The following NFATC2 variants were observed in gnomAD, a reference collection of about 807,000 sequenced individuals.
The protein encoded by NFATC2 is nuclear factor of activated T-cells, cytoplasmic 2.
In NFATC2, 22 loss-of-function variants were observed where a neutral mutation model predicts 87.3. The ratio of observed to expected loss-of-function variants is 0.25; its 90% CI spans 0.18 to 0.36. The LOEUF (loss-of-function observed/expected upper bound fraction) is 0.36. NFATC2 is among the 10% of genes least tolerant of loss of function. The probability of loss-of-function intolerance (pLI) is 1.00; values close to 1 mark genes in which losing one functional copy is unlikely to be tolerated. For synonymous variants in NFATC2, 565 were observed against 542.2 expected (o/e 1.04, Z -0.58); for missense variants, 1,149 against 1,259.1 (o/e 0.91, Z 1.32).
At chr20:51,483,446 G>A (rs79916117) in intron 3 of NFATC2, among the ~76,000 whole-genome samples, 8,673 of 152,036 alleles carry the variant, frequency 0.057, 326 homozygotes, top group African/African-American at 0.1. Flanking sequence ...GGAGAAGGCC[G>A]AGCGGGAGGG....
At chr20:51,448,173 G>A (rs992619686) in intron 6 of NFATC2, among the ~76,000 whole-genome samples, 1 of 152,210 alleles carries the variant, frequency 6.6e-6, no homozygotes, top group African/African-American at 2.4e-5. Context: ...GACAAGGTAG[G>A]TGATTTCAAC....
At chr20:51,489,186 T>C (rs1233551677) in intron 3 of NFATC2, among the ~76,000 whole-genome samples, 1 of 151,774 alleles carries the variant, frequency 6.6e-6, no homozygotes, top group Non-Finnish European at 1.5e-5. Context: ...TGAGACTGTC[T>C]CAAAAAAAAG....
intron 3 of NFATC2, among the ~76,000 whole-genome samples, chr20:51,513,133 T>G (rs1045360736): frequency 5.3e-5 from 8 of 152,246 alleles, no homozygotes; most frequent in African/African-American, 1.9e-4. Context: ...CTTTTTGTCT[T>G]TTAAAGAGAC....
intron 6 of NFATC2, among the ~76,000 whole-genome samples, chr20:51,437,699 G>A: frequency 6.6e-6 from 1 of 152,218 alleles, no homozygotes; most frequent in East Asian, 1.9e-4. Context: ...TGACCTTACA[G>A]CGCAATTCCT....
intron 9 of NFATC2, among the ~76,000 whole-genome samples, chr20:51,400,843 C>CCTCCTAGCATTGGGTAGAGA (rs1414102768): frequency 6.6e-6 from 1 of 151,916 alleles, no homozygotes; most frequent in Non-Finnish European, 1.5e-5. Context: ...CCAGGAACAG[C>CCTCCTAGCATTGGGTAGAGA]CTCCTAGCAT....
intron 1 of NFATC2, among the ~76,000 whole-genome samples, chr20:51,535,553 G>A (rs894958519): frequency 2.0e-5 from 3 of 152,124 alleles, no homozygotes; most frequent in Non-Finnish European, 4.4e-5. Context: ...GTTCCTGGGG[G>A]TGGGCACACT....
intron 6 of NFATC2, among the ~76,000 whole-genome samples, chr20:51,444,734 G>A (rs969336320): frequency 1.2e-4 from 18 of 152,202 alleles, no homozygotes; most frequent in Admixed American, 6.5e-5. Flanking sequence ...AATGGTTGAA[G>A]TCATTTCAGT....
chr20:51,498,985 T>C (rs1241506665), intron 3 of NFATC2, among the ~76,000 whole-genome samples: 1 of 149,426 alleles, frequency 6.7e-6, no homozygotes, highest in Admixed American at 6.7e-5. Context: ...CTACCTGGAG[T>C]GTTTGAGGAA....
chr20:51,542,435 C>T lies in NFATC2; in HGVS notation c.65G>A (p.Gly22Asp), dbSNP rs762801643. Reference sequence around the variant, plus strand: ...GAAGTCAAGCTCGTCTTGGGGGCTGCCCCCAGGCTCGTGGCCTGGGGCGTC... The same window carrying T: ...GAAGTCAAGCTCGTCTTGGGGGCTGTCCCCAGGCTCGTGGCCTGGGGCGTC... ...GGDAPGHEPG[G>D]SPQDELDFSI... The change falls in exon 1 of 11, where the codon GGC (glycine) becomes GAC (aspartate). Residue 22 changes from glycine (G) to aspartate (D), a missense_variant. By Grantham distance (94) the Gly-to-Asp change is moderately conservative. Coordinates refer to ENST00000371564, the MANE Select transcript of NFATC2 (RefSeq NM_012340.5). 1.3e-6 allele frequency: 2 copies of T among 1,597,344 alleles called. No individual in the cohort carries two copies. Among genetic ancestry groups the T allele is most frequent in the South Asian group, 1.1e-5 (1 of 90,498 alleles).
At chr20:51,397,365 G>A (rs1338386181) in intron 10 of NFATC2, among the ~76,000 whole-genome samples, 2 of 152,148 alleles carry the variant, frequency 1.3e-5, no homozygotes, top group African/African-American at 2.4e-5. Context: ...CCCTCAATAG[G>A]ACTGTAGCCC....
rs900705692 is a variant in NFATC2, at chr20:51,410,579, A to G, written c.2723-11849T>C. 2.6e-5 allele frequency among the ~76,000 whole-genome samples: 4 copies of G among 152,074 alleles called. 1 individual carries two copies. Reference sequence around the variant, plus strand: ...GAGAAAGAGGGAGAGAAAGGGAGGGAGAGAGAAGAAAGAAGGTAATGAAGG... The same window carrying G: ...GAGAAAGAGGGAGAGAAAGGGAGGGGGAGAGAAGAAAGAAGGTAATGAAGG... On this transcript the variant is annotated intron_variant, in intron 9 of 10. Coordinates refer to ENST00000371564, the MANE Select transcript of NFATC2 (RefSeq NM_012340.5).
rs2076838834 is a variant in NFATC2 at position 51,542,592 on chromosome 20, G to C, written c.-93C>G. On this transcript the variant is annotated 5_prime_UTR_variant, in exon 1 of 11. Coordinates refer to ENST00000371564, the MANE Select transcript of NFATC2 (RefSeq NM_012340.5). ...GCAGTGGGGCTGGCGGAGGCGGCTC[G>C]AGCGGCGGGGTCCCTTTCCTCGTAG... is the stretch of plus-strand genomic sequence containing the variant. The C allele has an allele frequency of 8.0e-7, 1 of 1,244,922 alleles. No individual in the cohort carries two copies. Among genetic ancestry groups the C allele is most frequent in the Admixed American group, 4.4e-5 (1 of 22,854 alleles). 77.1% of individuals were successfully genotyped at this position (1,244,922 alleles called of 1,614,324 possible).
chr20:51,474,963 C>CTT (rs1387504137), intron 4 of NFATC2, among the ~76,000 whole-genome samples: 41 of 147,236 alleles, frequency 2.8e-4, no homozygotes, highest in Middle Eastern at 3.6e-3. Context: ...ACATATTATA[C>CTT]TTTATTTATT....
chr20:51,537,202 G>T (rs1017885937), intron 1 of NFATC2, among the ~76,000 whole-genome samples: 1 of 147,406 alleles, frequency 6.8e-6, no homozygotes, highest in African/African-American at 2.5e-5. Flanking sequence ...GACATCAAAA[G>T]CACGTGGGGG....
chr20:51,393,773 T>G (rs1986653594), intron 10 of NFATC2, among the ~76,000 whole-genome samples: 1 of 151,992 alleles, frequency 6.6e-6, no homozygotes, highest in South Asian at 2.1e-4. Flanking sequence ...ACCTAGGAAG[T>G]GAGAGGAGGG....
intron 9 of NFATC2, among the ~76,000 whole-genome samples, chr20:51,421,498 C>T (rs1397425920): frequency 6.6e-6 from 1 of 152,170 alleles, no homozygotes; most frequent in Admixed American, 6.5e-5. Flanking sequence ...AACAACAAAA[C>T]AAGTGTGAAG....
intron 5 of NFATC2, among the ~76,000 whole-genome samples, chr20:51,473,059 G>T (rs1035072955): frequency 6.6e-6 from 1 of 152,210 alleles, no homozygotes; most frequent in African/African-American, 2.4e-5. Context: ...TATAAAGTAC[G>T]TAAGAATGAG....
intron 1 of NFATC2, among the ~76,000 whole-genome samples, chr20:51,540,374 C>G (rs994566278): frequency 1.2e-4 from 19 of 152,154 alleles, no homozygotes; most frequent in African/African-American, 4.6e-4. Flanking sequence ...TGGGCTTCCT[C>G]CCGAAAACCT....
At position 51,523,453 on chromosome 20, in the gene NFATC2, A is replaced by C. The variant is rs1271064510; in HGVS notation, c.788T>G (p.Leu263Arg). Residue 263 changes from leucine to arginine, a missense_variant, in exon 2 of 11, where the codon CTG becomes CGG. Leu to Arg is a moderately radical substitution (Grantham distance 102, BLOSUM62 -2). Transcript: ENST00000371564. This position sits in a 1 kb window ranked among gnomAD's most constrained non-coding sequence, Gnocchi z 6.9. Reference sequence around the variant, plus strand: ...GCGCTGGGGTGAGGCTCCGGGCGGCAGGGCAACCAAGGCCTCGGCGCACGA... The same window carrying C: ...GCGCTGGGGTGAGGCTCCGGGCGGCCGGGCAACCAAGGCCTCGGCGCACGA... ...RHSCAEALVA[L>R]PPGASPQRSR... The C allele has an allele frequency of 1.2e-6, 2 of 1,609,222 alleles. No homozygotes were observed. The highest frequency in any genetic ancestry group is 2.2e-5 in the East Asian group (1 of 44,794).
Sources: gnomAD v4.1 joint callset for allele counts (sites outside exome capture counted in the v4.1 genomes callset) on GRCh38, gnomAD v4.1.1 for gene constraint, Gnocchi (gnomAD v3.1) non-coding constraint, MANE v1.5 for transcripts, NCBI Gene and HGNC (gene_info 2026-07-23, HGNC 2026-07-21) for gene names.